TXNL1: variants seen among roughly 807,000 people sequenced by gnomAD.
TXNL1 encodes thioredoxin-like protein 1.
A neutral mutation model predicts 35.5 loss-of-function variants in TXNL1; 14 were observed. That is an observed-to-expected ratio of 0.39 (90% CI 0.26 to 0.62). TXNL1 has a LOEUF of 0.62. TXNL1 is among the 20% of genes least tolerant of loss of function. The pLI is 0.47. For synonymous variants in TXNL1, 110 were observed against 115.5 expected (o/e 0.95, Z 0.31); for missense variants, 263 against 349.7 (o/e 0.75, Z 1.98).
rs1241729045 is a variant in TXNL1, at chr18:56,638,417, C to T, written c.24G>A (p.Gly8=). 2 of 1,613,508 alleles carry T rather than the reference C, an allele frequency of 1.2e-6. No individual in the cohort carries two copies. Among genetic ancestry groups the T allele is most frequent in the Non-Finnish European group, 1.7e-6 (2 of 1,179,730 alleles). The change falls in exon 1 of 8, where the codon GGG becomes GGA. Residue 8 remains glycine (G), a synonymous_variant. Transcript: ENST00000217515. ...GCTCTGGCTGGAAATCCGGGTCGCT[C>T]CCGACGGGCTTCACCCCCACCATCC... MVGVKPV[G]SDPDFQPELS...
intron 1 of TXNL1, among the ~76,000 whole-genome samples, chr18:56,626,835 C>T: frequency 1.1e-5 from 1 of 92,660 alleles, no homozygotes; most frequent in Non-Finnish European, 1.9e-5. Context: ...GACAAGGTCT[C>T]ATTCTATAAC....
At chr18:56,631,278 C>T (rs946696774) in intron 1 of TXNL1, among the ~76,000 whole-genome samples, 3 of 152,150 alleles carry the variant, frequency 2.0e-5, no homozygotes, top group Non-Finnish European at 4.4e-5. Flanking sequence ...CACCTGATTT[C>T]TCTGTATAAA....
chr18:56,618,834 C>T (rs1334867445), intron 3 of TXNL1, among the ~76,000 whole-genome samples: 8 of 151,976 alleles, frequency 5.3e-5, no homozygotes, highest in Non-Finnish European at 1.0e-4. Context: ...GTCAAATTTC[C>T]TCCACTGTCT....
chr18:56,618,433 C>T (rs538818879), intron 3 of TXNL1, among the ~76,000 whole-genome samples: 3 of 152,090 alleles, frequency 2.0e-5, no homozygotes, highest in Non-Finnish European at 2.9e-5. Context: ...TTAAAATATC[C>T]GTAAGATCCA....
intron 6 of TXNL1, among the ~76,000 whole-genome samples, chr18:56,611,845 A>AT (rs375995266): frequency 0.72 from 84,251 of 116,456 alleles, 30,839 homozygotes; most frequent in Non-Finnish European, 0.77. Context: ...CACCCGGCTA[A>AT]TTTTTTTTTT....
chr18:56,624,088 T>C (rs554714269), intron 3 of TXNL1, among the ~76,000 whole-genome samples, 200 bp downstream of exon 3: 1 of 152,158 alleles, frequency 6.6e-6, no homozygotes, highest in Non-Finnish European at 1.5e-5. Context: ...AAATGATTTA[T>C]GATAGAGGCT....
chr18:56,631,571 T>C (rs976905919), intron 1 of TXNL1, among the ~76,000 whole-genome samples: 11 of 152,232 alleles, frequency 7.2e-5, no homozygotes, highest in African/African-American at 2.2e-4. Context: ...GATTTTGAGT[T>C]ATGCTGTTTG....
In TXNL1 at chr18:56,607,161, T is replaced by TTGTGTGTGTGTGTG. The variant is rs112495608; in HGVS notation, c.840+3818_840+3831dup. 2.0e-3 allele frequency among the ~76,000 whole-genome samples: 281 copies of TTGTGTGTGTGTGTG among 137,606 alleles called. 3 individuals are homozygous for TTGTGTGTGTGTGTG. The highest frequency in any genetic ancestry group is 0.016 in the South Asian group (65 of 4,128). The allele number at this position is 137,606 out of a possible 152,430, so 90.3% of individuals were successfully genotyped here. A position where few individuals can be genotyped will look rare whatever the true frequency, so the allele number is the denominator to read the frequency against. On this transcript the variant is annotated intron_variant, in intron 7 of 7. Transcript: ENST00000217515. ...TGCCCACCACCTTGCCTGGGTAATT[T>TTGTGTGTGTGTGTG]TGTGTGTGTGTGTGTGTGTGTGTGT...
chr18:56,620,718 G>A, intron 3 of TXNL1, among the ~76,000 whole-genome samples: 1 of 152,078 alleles, frequency 6.6e-6, no homozygotes, highest in East Asian at 1.9e-4. Context: ...ATCTCAAAGG[G>A]TTTTCATTAT....
At chr18:56,616,680 G>A (rs1568102806) in intron 4 of TXNL1, among the ~76,000 whole-genome samples, 1 of 152,126 alleles carries the variant, frequency 6.6e-6, no homozygotes, top group African/African-American at 2.4e-5. Context: ...CTCTACGATG[G>A]TTTATTTGTC....
In TXNL1 at chr18:56,600,403, C is replaced by G. The variant is rs2023797419; in HGVS notation, c.*2624G>C. 6.8e-6 allele frequency: 1 copy of G among 146,690 alleles called. No homozygotes were observed. Among genetic ancestry groups the G allele is most frequent in the Admixed American group, 6.9e-5 (1 of 14,534 alleles). 9.1% of individuals were successfully genotyped at this position (146,690 alleles called of 1,614,324 possible). A position where few individuals can be genotyped will look rare whatever the true frequency, so the allele number is the denominator to read the frequency against. On this transcript the variant is annotated 3_prime_UTR_variant, in exon 8 of 8. Transcript: ENST00000217515. ...ATTGAGACTGGGGAACAAAGTGGGG[C>G]AGGTTTCAACTCTAATTGTTACGTG...
intron 6 of TXNL1, among the ~76,000 whole-genome samples, chr18:56,611,738 G>C (rs995419785): frequency 1.3e-5 from 2 of 151,720 alleles, no homozygotes; most frequent in African/African-American, 4.8e-5. Context: ...CTGTTGCCCA[G>C]GCTGGAGTGC....
intron 3 of TXNL1, among the ~76,000 whole-genome samples, chr18:56,622,453 A>G (rs1293025632): frequency 6.6e-6 from 1 of 152,228 alleles, no homozygotes; most frequent in African/African-American, 2.4e-5. Context: ...TAATGGTATC[A>G]TCGTTATATA....
intron 3 of TXNL1, 75 bp from the exon 4 acceptor site, chr18:56,618,201 G>A: frequency 6.8e-7 from 1 of 1,475,142 alleles, no homozygotes; most frequent in Non-Finnish European, 9.2e-7. Flanking sequence ...TTAAATCTCT[G>A]ATTCTCTTTA....
intron 7 of TXNL1, among the ~76,000 whole-genome samples, chr18:56,607,459 TG>T (rs1286112789): frequency 6.6e-6 from 1 of 152,028 alleles, no homozygotes; most frequent in Non-Finnish European, 1.5e-5. Flanking sequence ...GCTCTGGCTT[TG>T]TTGTTAAATC....
chr18:56,635,210 G>A (rs1039136602), intron 1 of TXNL1, among the ~76,000 whole-genome samples: 4 of 152,026 alleles, frequency 2.6e-5, no homozygotes, highest in Non-Finnish European at 5.9e-5. Flanking sequence ...GTGAGCCATC[G>A]TCTCAAAACT....
At chr18:56,616,922 A>T (rs1038595153) in intron 4 of TXNL1, among the ~76,000 whole-genome samples, 1 of 152,204 alleles carries the variant, frequency 6.6e-6, no homozygotes, top group Non-Finnish European at 1.5e-5. Context: ...ACTCTTCTGG[A>T]TCATTTGCTC....
intron 1 of TXNL1, among the ~76,000 whole-genome samples, chr18:56,626,797 C>CTTT (rs386387792): frequency 0.055 from 3,044 of 54,854 alleles, 563 homozygotes; most frequent in East Asian, 0.18. Flanking sequence ...CCAAGCCGGT[C>CTTT]TTTTTTTTTT....
At chr18:56,625,094 T>A (rs1349343066) in intron 2 of TXNL1, among the ~76,000 whole-genome samples, 1 of 152,014 alleles carries the variant, frequency 6.6e-6, no homozygotes, top group Non-Finnish European at 1.5e-5. Context: ...ATGACAAGTA[T>A]AAAGGAAACA....
Sources: gnomAD v4.1 joint callset for allele counts (sites outside exome capture counted in the v4.1 genomes callset) on GRCh38, gnomAD v4.1.1 for gene constraint, MANE v1.5 for transcripts, NCBI Gene and HGNC (gene_info 2026-07-23, HGNC 2026-07-21) for gene names.